SDK1: variants seen among roughly 807,000 people sequenced by gnomAD.
The protein encoded by SDK1 is protein sidekick-1.
A neutral mutation model predicts 245.5 loss-of-function variants in SDK1; 157 were observed. The ratio of observed to expected loss-of-function variants is 0.64; its 90% CI spans 0.56 to 0.73. The LOEUF is 0.73. Among genes scored for constraint, SDK1 ranks in the 30% least tolerant of loss-of-function variants. The pLI is 0.00. For synonymous variants in SDK1, 1,647 were observed against 1,278.5 expected, an observed-to-expected ratio of 1.29 and a Z score of -6.15; for missense variants, 3,583 against 3,002.3, an observed-to-expected ratio of 1.19 and a Z score of -4.52.
At chr7:3,979,407 T>C (rs573577831) in intron 13 of SDK1, among the ~76,000 whole-genome samples, 1 of 152,294 alleles carries the variant, frequency 6.6e-6, no homozygotes, top group Non-Finnish European at 1.5e-5. Flanking sequence ...TTATTCTGAC[T>C]ACATTCTATG....
chr7:3,974,417 T>C lies in SDK1; in HGVS notation c.1866T>C (p.Ser622=). The C allele has an allele frequency of 6.2e-7, 1 of 1,614,072 alleles. No homozygotes were observed. The highest frequency in any genetic ancestry group is 8.5e-7 in the Non-Finnish European group (1 of 1,180,006). Residue 622 remains serine (S), a synonymous_variant, in exon 13 of 45, where the codon TCT becomes TCC. Coordinates refer to ENST00000404826, the MANE Select transcript of SDK1 (RefSeq NM_152744.4). ...DNVALTPSST[S]RIVVEKDGSL... ...TGGCCCTGACTCCATCGAGCACGTC[T>C]AGGATCGTGGTGGAGAAGGACGGGT...
chr7:3,961,434 T>C (rs1781674006), intron 8 of SDK1, among the ~76,000 whole-genome samples: 1 of 152,244 alleles, frequency 6.6e-6, no homozygotes, highest in African/African-American at 2.4e-5. Flanking sequence ...ACACGCCATC[T>C]TAAATCAAGG....
intron 1 of SDK1, among the ~76,000 whole-genome samples, chr7:3,322,442 A>G (rs1166899651): frequency 6.6e-6 from 1 of 152,132 alleles, no homozygotes; most frequent in Non-Finnish European, 1.5e-5. Context: ...GTTGCTGTGA[A>G]CATGTATGTG....
intron 2 of SDK1, among the ~76,000 whole-genome samples, chr7:3,625,431 A>G (rs932094339): frequency 7.2e-5 from 11 of 152,208 alleles, no homozygotes; most frequent in African/African-American, 2.7e-4. Flanking sequence ...GGATCTCCTG[A>G]TGACAGTGGT....
chr7:3,902,499 A>T (rs1162594097), intron 5 of SDK1, among the ~76,000 whole-genome samples: 1 of 152,196 alleles, frequency 6.6e-6, no homozygotes. Flanking sequence ...TAAGGGTTAC[A>T]GTCAGATATT....
At chr7:3,548,700 T>C (rs1779307584) in intron 1 of SDK1, among the ~76,000 whole-genome samples, 1 of 152,236 alleles carries the variant, frequency 6.6e-6, no homozygotes, top group Non-Finnish European at 1.5e-5. Flanking sequence ...TCTTTTGTCA[T>C]GTTTAATATC....
rs1322135692 is a variant in SDK1 at position 3,620,440 on chromosome 7, C to T, written c.458+1201C>T. Among the ~76,000 whole-genome samples, 6 of 151,962 alleles carry T rather than the reference C, an allele frequency of 3.9e-5. No homozygotes were observed. In the East Asian group the frequency reaches 5.8e-4, roughly 15 times the overall value. ...GCCTCAGCCTCCCAAGTAGCTGGTT[C>T]TACAGGCGTGAGCCACCACACCTGG... is the stretch of plus-strand genomic sequence containing the variant. On this transcript the variant is annotated intron_variant, in intron 2 of 44. Transcript: ENST00000404826.
intron 25 of SDK1, among the ~76,000 whole-genome samples, chr7:4,123,989 G>A (rs942380014): frequency 6.6e-6 from 1 of 152,186 alleles, no homozygotes; most frequent in African/African-American, 2.4e-5. Flanking sequence ...GACCCCACAG[G>A]GTGTGGTGAG....
At chr7:3,820,855 C>A (rs961639844) in intron 4 of SDK1, among the ~76,000 whole-genome samples, 2 of 152,178 alleles carry the variant, frequency 1.3e-5, no homozygotes, top group African/African-American at 4.8e-5. Context: ...GTTTACTCAT[C>A]CTTTGCACTT....
intron 1 of SDK1, among the ~76,000 whole-genome samples, chr7:3,393,654 C>T (rs544535996): frequency 6.6e-6 from 1 of 152,124 alleles, no homozygotes; most frequent in Non-Finnish European, 1.5e-5. Flanking sequence ...TTCTTCAGTA[C>T]TTCAGTTACA....
chr7:3,819,785 A>G (rs1302861784), intron 4 of SDK1, among the ~76,000 whole-genome samples: 2 of 152,188 alleles, frequency 1.3e-5, no homozygotes, highest in African/African-American at 2.4e-5. Flanking sequence ...TGAATAAGCA[A>G]TAACTTCTTA....
chr7:3,499,854 G>A (rs766938105), intron 1 of SDK1, among the ~76,000 whole-genome samples: 8 of 152,140 alleles, frequency 5.3e-5, no homozygotes, highest in African/African-American at 1.9e-4. Context: ...CTGTTTTGAG[G>A]GTCATGTGTC....
At chr7:3,864,622 G>A (rs1274836252) in intron 5 of SDK1, among the ~76,000 whole-genome samples, 1 of 152,160 alleles carries the variant, frequency 6.6e-6, no homozygotes, top group Admixed American at 6.5e-5. Flanking sequence ...GGACGTGAGG[G>A]GCACAGCTGA....
chr7:3,339,162 A>C (rs1207319383), intron 1 of SDK1, among the ~76,000 whole-genome samples: 2 of 140,584 alleles, frequency 1.4e-5, no homozygotes, highest in African/African-American at 5.3e-5. Context: ...ATTAACATTC[A>C]AAAATAATTT....
intron 1 of SDK1, among the ~76,000 whole-genome samples, chr7:3,533,100 T>C (rs116933957): frequency 2.0e-5 from 3 of 152,358 alleles, no homozygotes; most frequent in East Asian, 1.9e-4. Context: ...ATTCCAGCAC[T>C]GTAGCCAACC....
intron 14 of SDK1, among the ~76,000 whole-genome samples, chr7:3,988,086 C>T (rs1033442023): frequency 7.3e-5 from 11 of 151,356 alleles, no homozygotes; most frequent in Admixed American, 1.3e-4. Context: ...GGTTGTCTCA[C>T]GGCCTCTCCA....
chr7:4,230,652 AGAT>A (rs1785703205), intron 40 of SDK1, among the ~76,000 whole-genome samples: 1 of 150,952 alleles, frequency 6.6e-6, no homozygotes, highest in African/African-American at 2.4e-5. Flanking sequence ...ATGGATGGAT[AGAT>A]GATAGCTGGA....
intron 4 of SDK1, among the ~76,000 whole-genome samples, chr7:3,650,825 GTTT>G (rs55674495): frequency 1.3e-4 from 19 of 143,950 alleles, no homozygotes; most frequent in Middle Eastern, 3.6e-3. Flanking sequence ...GTGGGGATTG[GTTT>G]TTTTTTTTTT....
At chr7:3,729,548 C>T (rs1779113470) in intron 4 of SDK1, among the ~76,000 whole-genome samples, 1 of 152,286 alleles carries the variant, frequency 6.6e-6, no homozygotes, top group East Asian at 1.9e-4. Flanking sequence ...TTATCTGACC[C>T]ACAATGCCAA....
Sources: allele counts gnomAD v4.1 joint callset (sites outside exome capture counted in the v4.1 genomes callset), GRCh38; gene constraint gnomAD v4.1.1; transcripts MANE v1.5; gene names NCBI Gene and HGNC (gene_info 2026-07-23, HGNC 2026-07-21).